Variants in LCORL observed in about 807,000 individuals in gnomAD.
LCORL encodes ligand-dependent nuclear receptor corepressor-like protein.
Under a neutral mutation model 141.8 loss-of-function variants are expected in LCORL, and 41 were observed. The observed-to-expected ratio is 0.29, with a 90% confidence interval of 0.23 to 0.38. The LOEUF (loss-of-function observed/expected upper bound fraction) is 0.38. LCORL is among the 10% of genes least tolerant of loss of function. The pLI, the probability that LCORL is intolerant of heterozygous loss-of-function variation, is 1.00. For missense variants in LCORL, 1,759 were observed against 2,035.0 expected, an observed-to-expected ratio of 0.86 and a Z score of 2.61; for synonymous variants, 618 against 694.1, an observed-to-expected ratio of 0.89 and a Z score of 1.72.
At chr4:17,914,640 T>C (rs185485548) in intron 4 of LCORL, among the ~76,000 whole-genome samples, 2 of 152,264 alleles carry the variant, frequency 1.3e-5, no homozygotes, top group Admixed American at 6.5e-5. Context: ...TTGTCATAAC[T>C]ACAAAAAAGC....
At chr4:17,988,725 G>C (rs369218657) in intron 1 of LCORL, among the ~76,000 whole-genome samples, 1 of 152,142 alleles carries the variant, frequency 6.6e-6, no homozygotes, top group Admixed American at 6.5e-5. Flanking sequence ...GGCAGCTCAC[G>C]CCTGTAATCC....
chr4:17,871,821 A>G (rs1305196303), intron 7 of LCORL, among the ~76,000 whole-genome samples: 2 of 151,974 alleles, frequency 1.3e-5, no homozygotes, highest in Non-Finnish European at 2.9e-5. Flanking sequence ...CACTTTTTAA[A>G]GTTTTGATTC....
intron 4 of LCORL, among the ~76,000 whole-genome samples, chr4:17,926,757 T>C (rs1031918869): frequency 6.6e-6 from 1 of 152,240 alleles, no homozygotes; most frequent in Non-Finnish European, 1.5e-5. Context: ...ACAGTGGGCT[T>C]AAAATATTCA....
chr4:17,983,178 T>C (rs1485040697), intron 1 of LCORL, among the ~76,000 whole-genome samples: 3 of 152,224 alleles, frequency 2.0e-5, no homozygotes, highest in Non-Finnish European at 4.4e-5. Context: ...TCCTGTGGTA[T>C]AGTTTGAAGT....
intron 1 of LCORL, among the ~76,000 whole-genome samples, chr4:18,009,149 A>G (rs1723275826): frequency 6.6e-6 from 1 of 152,098 alleles, no homozygotes; most frequent in South Asian, 2.1e-4. Flanking sequence ...ATATATGATG[A>G]AAACCATGAG....
chr4:17,877,459 CATT>C lies in LCORL; in HGVS notation c.1528_1530del (p.Asn510del), dbSNP rs1727041943. ...TGATTTGTAGTAGAATTATTGCTGT[CATT>C]TGAGAGTAAAGAATAAGAGTTACTG... On this transcript the variant is annotated inframe_deletion, in exon 7 of 8. Transcript: ENST00000635767. 2.4e-6 allele frequency: 3 copies of C among 1,228,764 alleles called. 1 individual carries two copies. The highest frequency in any genetic ancestry group is 8.2e-5 in the South Asian group (2 of 24,244). 76.1% of individuals were successfully genotyped at this position (1,228,764 alleles called of 1,614,324 possible).
Position 18,021,178 on chromosome 4 carries a change from C to A in LCORL, c.154+420G>T, listed in dbSNP as rs973580703. On this transcript the variant is annotated intron_variant, in intron 1 of 7. Coordinates refer to ENST00000635767, the Ensembl canonical transcript of LCORL. The surrounding 1 kb of genome is among the most constrained non-coding windows in gnomAD (Gnocchi z 5.5). ...GCGCTCGGCGGGGGCGCGGACCAGCCCGCCTTCCTCCGGCCGCCCTGCCCG... is the reference window on the plus strand; with the variant it reads ...GCGCTCGGCGGGGGCGCGGACCAGCACGCCTTCCTCCGGCCGCCCTGCCCG... Among the ~76,000 whole-genome samples, 2 of 151,944 alleles carry A rather than the reference C, an allele frequency of 1.3e-5. No individual in the cohort carries two copies. Among genetic ancestry groups the A allele is most frequent in the Non-Finnish European group, 2.9e-5 (2 of 67,940 alleles).
chr4:17,877,864 C>T (rs1358541462), exon 7 of LCORL: 4 of 1,230,608 alleles, frequency 3.3e-6, no homozygotes, highest in Non-Finnish European at 4.1e-6. Flanking sequence ...TCAACAGTTA[C>T]AGTTTGGCAA....
At chr4:17,891,393 C>T (rs1166014627) in intron 5 of LCORL, among the ~76,000 whole-genome samples, 1 of 151,966 alleles carries the variant, frequency 6.6e-6, no homozygotes, top group Non-Finnish European at 1.5e-5. Context: ...CTTCAAAAAT[C>T]TTAAAAATGT....
chr4:17,856,340 A>G (rs1475051613), intron 7 of LCORL, among the ~76,000 whole-genome samples: 1 of 152,178 alleles, frequency 6.6e-6, no homozygotes, highest in Admixed American at 6.5e-5. Flanking sequence ...GTGAAGCTCT[A>G]ATCTGATGAC....
intron 7 of LCORL, among the ~76,000 whole-genome samples, chr4:17,846,948 T>G (rs992109881): frequency 7.9e-5 from 12 of 152,198 alleles, no homozygotes; most frequent in African/African-American, 2.2e-4. Flanking sequence ...AACATTCTTT[T>G]CTCTGTGAAG....
intron 4 of LCORL, among the ~76,000 whole-genome samples, chr4:17,919,817 CCTTT>C (rs1468390714): frequency 6.6e-6 from 1 of 152,192 alleles, no homozygotes. Flanking sequence ...CAATTCCCTG[CCTTT>C]CTAACTGTGG....
chr4:17,967,516 C>T (rs975533913), intron 2 of LCORL, among the ~76,000 whole-genome samples: 1 of 152,126 alleles, frequency 6.6e-6, no homozygotes, highest in Admixed American at 6.6e-5. Flanking sequence ...ACTTTCTACT[C>T]AATTTTTTCT....
intron 4 of LCORL, among the ~76,000 whole-genome samples, chr4:17,945,582 T>A (rs1407499133): frequency 6.6e-6 from 1 of 152,016 alleles, no homozygotes; most frequent in African/African-American, 2.4e-5. Flanking sequence ...TCTACAAGCA[T>A]TACAAATTTT....
intron 2 of LCORL, among the ~76,000 whole-genome samples, chr4:17,965,355 G>A (rs1259105728): frequency 6.6e-6 from 1 of 151,862 alleles, no homozygotes; most frequent in Non-Finnish European, 1.5e-5. Flanking sequence ...CTCTCCCCAG[G>A]TTATCTTTCA....
chr4:17,843,546 C>T (rs1722635453), exon 8 of LCORL: 30 of 1,112,358 alleles, frequency 2.7e-5, no homozygotes, highest in Admixed American at 9.2e-5. Context: ...TTCTGCTGTG[C>T]GCTTCCACGT....
At chr4:17,983,678 GT>G (rs1364294375) in intron 1 of LCORL, among the ~76,000 whole-genome samples, 1 of 152,074 alleles carries the variant, frequency 6.6e-6, no homozygotes, top group Non-Finnish European at 1.5e-5. Context: ...AGACTATGGG[GT>G]TTTCTAGATA....
chr4:17,988,281 A>G (rs1179496688), intron 1 of LCORL, among the ~76,000 whole-genome samples: 8 of 152,070 alleles, frequency 5.3e-5, no homozygotes, highest in Non-Finnish European at 1.2e-4. Context: ...CTTTATCAGC[A>G]GTGTGAAACT....
intron 5 of LCORL, among the ~76,000 whole-genome samples, chr4:17,903,553 T>C (rs1731180398): frequency 6.6e-6 from 1 of 152,082 alleles, no homozygotes; most frequent in South Asian, 2.1e-4. Context: ...TAACTCAATG[T>C]ACTAGGACAA....
Sources: allele counts gnomAD v4.1 joint callset (sites outside exome capture counted in the v4.1 genomes callset), GRCh38; gene constraint gnomAD v4.1.1; non-coding constraint Gnocchi (gnomAD v3.1); transcripts MANE v1.5; gene names NCBI Gene and HGNC (gene_info 2026-07-23, HGNC 2026-07-21).